Variants in ABCG8 observed in about 807,000 individuals in gnomAD.
ABCG8 encodes the protein ATP-binding cassette sub-family G member 8.
In ABCG8, 81 loss-of-function variants were observed where a neutral mutation model predicts 71.3. That is an observed-to-expected ratio of 1.14 (90% confidence interval 0.95 to 1.37). ABCG8 has a LOEUF of 1.37. ABCG8 is among the 40% of genes most tolerant of loss of function. ABCG8 has a pLI of 0.00. For synonymous variants in ABCG8, 451 were observed against 354.7 expected (o/e 1.27, Z -3.05); for missense variants, 1,119 against 866.2 (o/e 1.29, Z -3.66).
intron 6 of ABCG8, among the ~76,000 whole-genome samples, chr2:43,861,956 C>T (rs1669335949): frequency 6.6e-6 from 1 of 151,216 alleles, no homozygotes; most frequent in Non-Finnish European, 1.5e-5. Context: ...ATAATTCTCA[C>T]TCTCTGGATA....
rs17424261 is a variant in ABCG8, at chr2:43,882,485, T to C, written c.*4572T>C. On this transcript the variant is annotated 3_prime_UTR_variant, in exon 13 of 13. Coordinates refer to ENST00000272286, the MANE Select transcript of ABCG8 (RefSeq NM_022437.3). ...GAATGCGGGGAAAGTGATGAAATAT[T>C]TTGTTGGTTGGCCTTTGCTTGTTTG... 7,006 of 152,344 alleles carry C rather than the reference T, an allele frequency of 0.046. 228 individuals are homozygous for C. The highest frequency in any genetic ancestry group is 0.11 in the Middle Eastern group (31 of 294). 9.4% of individuals were successfully genotyped at this position (152,344 alleles called of 1,614,324 possible).
rs7576555 is a variant in ABCG8 at position 43,881,697 on chromosome 2, T to G, written c.*3784T>G. On this transcript the variant is annotated 3_prime_UTR_variant, in exon 13 of 13. Coordinates refer to ENST00000272286, the MANE Select transcript of ABCG8 (RefSeq NM_022437.3). ...GCACTCCAGCCTGGTGACAGAGCGATACTCTGTCTCAAAAAAAAAAAAAAA... is the reference window on the plus strand; with the variant it reads ...GCACTCCAGCCTGGTGACAGAGCGAGACTCTGTCTCAAAAAAAAAAAAAAA... The G allele has an allele frequency of 0.86, 124,166 of 144,402 alleles. 53,681 individuals are homozygous for G. Among genetic ancestry groups the G allele is most frequent in the East Asian group, 1 (4,917 of 4,924 alleles). The allele number at this position is 144,402 out of a possible 1,614,324, so 8.9% of individuals were successfully genotyped here.
In ABCG8 at chr2:43,851,717, C is replaced by T. The variant is rs751273378; in HGVS notation, c.456C>T (p.Arg152=). The change falls in exon 4 of 13, where the codon CGC becomes CGT. Residue 152 remains arginine (R), a synonymous_variant. Transcript: ENST00000272286. ...TGAGGAAGTGTGTGGCCCACGTGCGCCAGCACAACCAGCTGCTCCCCAACT... is the reference window on the plus strand; with the variant it reads ...TGAGGAAGTGTGTGGCCCACGTGCGTCAGCACAACCAGCTGCTCCCCAACT... ...QLVRKCVAHV[R]QHNQLLPNLT... 4 of 1,614,246 alleles carry T rather than the reference C, an allele frequency of 2.5e-6. No homozygotes were observed. The highest frequency in any genetic ancestry group is 2.2e-5 in the East Asian group (1 of 44,872).
chr2:43,843,747 T>C (rs1438665983), intron 1 of ABCG8, among the ~76,000 whole-genome samples: 4 of 152,264 alleles, frequency 2.6e-5, no homozygotes, highest in African/African-American at 9.6e-5. Flanking sequence ...GGAATTGAGA[T>C]CTGCAGATGG....
In ABCG8 at chr2:43,850,316, G is replaced by T. The variant is rs552056589; in HGVS notation, c.323-1268G>T. On this transcript the variant is annotated intron_variant, in intron 3 of 12. Transcript: ENST00000272286. ...AGCCTGAGCCCAATCCGCATTCATA[G>T]CTTGAACAGCTGTCACAGACAGAGG... 7.2e-5 allele frequency among the ~76,000 whole-genome samples: 11 copies of T among 152,316 alleles called. No individual in the cohort carries two copies. The East Asian group carries it at 2.1e-3, about 29-fold the overall frequency.
chr2:43,874,676 A>G (rs1669900462), intron 10 of ABCG8, among the ~76,000 whole-genome samples, 193 bp downstream of exon 10: 1 of 152,134 alleles, frequency 6.6e-6, no homozygotes, highest in African/African-American at 2.4e-5. Context: ...CATTTACCAA[A>G]ACACCAGGAC....
At chr2:43,869,537 ATCTG>A (rs1238733090) in intron 6 of ABCG8, among the ~76,000 whole-genome samples, 5 of 151,690 alleles carry the variant, frequency 3.3e-5, no homozygotes, top group East Asian at 1.9e-4. Flanking sequence ...AACTCTCACT[ATCTG>A]TCTGGATAGA....
intron 6 of ABCG8, among the ~76,000 whole-genome samples, chr2:43,857,269 G>A (rs1225740399): frequency 6.8e-6 from 1 of 147,006 alleles, no homozygotes; most frequent in Non-Finnish European, 1.5e-5. Context: ...TCTCACTATC[G>A]GTCTGGATAA....
intron 3 of ABCG8, among the ~76,000 whole-genome samples, chr2:43,849,311 T>C (rs944779107): frequency 2.0e-5 from 3 of 152,044 alleles, no homozygotes; most frequent in Non-Finnish European, 2.9e-5. Context: ...TGGGGAGGCC[T>C]CAGGAAACTT....
chr2:43,853,700 C>T (rs138885835), intron 6 of ABCG8, among the ~76,000 whole-genome samples: 1,542 of 152,322 alleles, frequency 0.01, 13 homozygotes, highest in Non-Finnish European at 0.015. Flanking sequence ...TCTCAAGCCC[C>T]GGCCAGGCCA....
chr2:43,878,302 T>C lies in ABCG8; in HGVS notation c.*389T>C. 1.6e-5 allele frequency: 5 copies of C among 313,278 alleles called. No individual in the cohort carries two copies. Among genetic ancestry groups the C allele is most frequent in the South Asian group, 1.5e-4 (5 of 32,984 alleles). The allele number at this position is 313,278 out of a possible 1,614,324, so 19.4% of individuals were successfully genotyped here. A position where few individuals can be genotyped will look rare whatever the true frequency, so the allele number is the denominator to read the frequency against. ...ACCTGGAGGGAACAATAACAGTAGC[T>C]AGCAGATTTGGCTTCATCTTCCAGG... is the stretch of plus-strand genomic sequence containing the variant. On this transcript the variant is annotated 3_prime_UTR_variant, in exon 13 of 13. Coordinates refer to ENST00000272286, the MANE Select transcript of ABCG8 (RefSeq NM_022437.3).
intron 11 of ABCG8, 101 bp downstream of exon 11, chr2:43,875,514 A>C: frequency 6.9e-7 from 1 of 1,445,896 alleles, no homozygotes. Flanking sequence ...CTTAGATCCA[A>C]CTCGAGGCTG....
intron 3 of ABCG8, among the ~76,000 whole-genome samples, chr2:43,849,735 C>T (rs766120668): frequency 1.3e-5 from 2 of 152,158 alleles, no homozygotes; most frequent in East Asian, 3.9e-4. Flanking sequence ...GAGCCTGGCT[C>T]TGAAGCTTCT....
chr2:43,849,548 C>T (rs550273816), intron 3 of ABCG8, among the ~76,000 whole-genome samples: 5 of 152,154 alleles, frequency 3.3e-5, no homozygotes, highest in African/African-American at 9.7e-5. Flanking sequence ...GGATGAGATT[C>T]GGGTGGGGAC....
chr2:43,852,650 A>C lies in ABCG8; in HGVS notation c.746A>C (p.His249Pro), dbSNP rs1185471643. 1.5e-5 allele frequency: 25 copies of C among 1,614,190 alleles called. No homozygotes were observed. The highest frequency in any genetic ancestry group is 2.1e-5 in the Non-Finnish European group (25 of 1,180,030). Residue 249 changes from histidine to proline, a missense_variant, in exon 6 of 13, where the codon CAC becomes CCC. Coordinates refer to ENST00000272286, the MANE Select transcript of ABCG8 (RefSeq NM_022437.3). The stretch of plus-strand genomic sequence containing the variant: ...TCTGGGCTCGACAGCTTCACAGCCC[A>C]CAACCTGGTGAAGACCTTGTCCAGG... ...PTSGLDSFTA[H>P]NLVKTLSRLA...
intron 6 of ABCG8, among the ~76,000 whole-genome samples, chr2:43,862,188 C>G (rs1669346238): frequency 6.6e-6 from 1 of 150,494 alleles, no homozygotes; most frequent in South Asian, 2.1e-4. Context: ...TTCTCACTAT[C>G]TATCTTGATA....
At chr2:43,855,721 G>C (rs772064924) in intron 6 of ABCG8, among the ~76,000 whole-genome samples, 4 of 151,144 alleles carry the variant, frequency 2.6e-5, no homozygotes, top group African/African-American at 4.9e-5. Flanking sequence ...TCACTATCTA[G>C]ATAGAATTCT....
At position 43,875,430 on chromosome 2, in the gene ABCG8, G is replaced by C; in HGVS notation, c.1756+17G>C. ...TGTGGACAGGTAAGGCCTGCCCCCG[G>C]GGCCTGGGCCAGCTTTGTTAGGACT... On this transcript the variant is annotated intron_variant, in intron 11 of 12. Coordinates refer to ENST00000272286, the MANE Select transcript of ABCG8 (RefSeq NM_022437.3). 1 of 1,609,478 alleles carries C rather than the reference G, an allele frequency of 6.2e-7. No homozygotes were observed. The highest frequency in any genetic ancestry group is 8.5e-7 in the Non-Finnish European group (1 of 1,177,102).
Position 43,882,295 on chromosome 2 carries a change from C to G in ABCG8, c.*4382C>G, listed in dbSNP as rs1363768086. 6.6e-6 allele frequency: 1 copy of G among 152,210 alleles called. No homozygotes were observed. The highest frequency in any genetic ancestry group is 2.4e-5 in the African/African-American group (1 of 41,452). The allele number at this position is 152,210 out of a possible 1,614,324, so 9.4% of individuals were successfully genotyped here. On this transcript the variant is annotated 3_prime_UTR_variant, in exon 13 of 13. Coordinates refer to ENST00000272286, the MANE Select transcript of ABCG8 (RefSeq NM_022437.3). Reference sequence around the variant, plus strand: ...CTTGTCATGATCCCAAATTAAACAACTAGCAACAGAAATGTTCAAATCTGT... The same window carrying G: ...CTTGTCATGATCCCAAATTAAACAAGTAGCAACAGAAATGTTCAAATCTGT...
Sources: gnomAD v4.1 joint callset for allele counts (sites outside exome capture counted in the v4.1 genomes callset) on GRCh38, gnomAD v4.1.1 for gene constraint, MANE v1.5 for transcripts, NCBI Gene and HGNC (gene_info 2026-07-23, HGNC 2026-07-21) for gene names.